ENAH: variants seen among roughly 807,000 people sequenced by gnomAD.
ENAH encodes the protein ENAH actin regulator.
In ENAH, 23 loss-of-function variants were observed where a neutral mutation model predicts 78.7. That is an observed-to-expected ratio of 0.29 (90% confidence interval 0.21 to 0.41). ENAH has a LOEUF of 0.41. Ranked by LOEUF, ENAH falls within the 10% of genes least tolerant of loss-of-function variation. The pLI is 1.00. For missense variants in ENAH, 544 were observed against 691.0 expected (o/e 0.79, Z 2.39); for synonymous variants, 226 against 241.0 (o/e 0.94, Z 0.58).
At chr1:225,569,576 A>T (rs893215346) in intron 1 of ENAH, among the ~76,000 whole-genome samples, 8 of 152,170 alleles carry the variant, frequency 5.3e-5, no homozygotes, top group Non-Finnish European at 7.3e-5. Flanking sequence ...CCTCAAAAAA[A>T]TTTTTTTCTT....
intron 1 of ENAH, among the ~76,000 whole-genome samples, chr1:225,608,803 G>A (rs541256565): frequency 3.7e-5 from 4 of 108,030 alleles, no homozygotes; most frequent in East Asian, 2.7e-4. Flanking sequence ...GCGACAGAGC[G>A]AGACTCTGTC....
Position 225,519,569 on chromosome 1 carries a change from G to GGA in ENAH, c.435-5_435-4insTC. On this transcript the variant is annotated splice_region_variant and splice_polypyrimidine_tract_variant and intron_variant, in intron 4 of 13. Transcript: ENST00000366843. The stretch of plus-strand genomic sequence containing the variant: ...CCGTTGCTGTTCTTGTAGTTGTCTG[G>GGA]AAAAAAAAAAAAAAAAGTAAAAACA... 2 of 1,492,430 alleles carry GGA rather than the reference G, an allele frequency of 1.3e-6. No individual in the cohort carries two copies. The highest frequency in any genetic ancestry group is 8.9e-7 in the Non-Finnish European group (1 of 1,118,724). 92.4% of individuals were successfully genotyped at this position (1,492,430 alleles called of 1,614,324 possible). A position where few individuals can be genotyped will look rare whatever the true frequency, so the allele number is the denominator to read the frequency against.
intron 3 of ENAH, among the ~76,000 whole-genome samples, chr1:225,532,401 C>T (rs896888211): frequency 1.3e-5 from 2 of 152,038 alleles, no homozygotes; most frequent in African/African-American, 4.8e-5. Flanking sequence ...AAGTTGAAAG[C>T]CTCAGGCTGC....
intron 1 of ENAH, among the ~76,000 whole-genome samples, chr1:225,588,976 C>A (rs1268874796): frequency 6.6e-6 from 1 of 152,032 alleles, no homozygotes; most frequent in Admixed American, 6.6e-5. Flanking sequence ...CCCAAAGATT[C>A]ATCAGAAAAC....
intron 4 of ENAH, among the ~76,000 whole-genome samples, chr1:225,530,251 A>C (rs2151256528): frequency 6.6e-6 from 1 of 152,362 alleles, no homozygotes; most frequent in Admixed American, 6.5e-5. Flanking sequence ...TATAATTACA[A>C]AAGTAAGACT....
intron 11 of ENAH, 154 bp from the exon 12 acceptor site, chr1:225,501,224 T>G: frequency 1.9e-6 from 1 of 536,594 alleles, no homozygotes; most frequent in Non-Finnish European, 3.3e-6. Flanking sequence ...GTAGGGCTGA[T>G]TAGAACATAA....
chr1:225,532,226 G>A (rs2151271555), intron 3 of ENAH, among the ~76,000 whole-genome samples: 1 of 152,142 alleles, frequency 6.6e-6, no homozygotes, highest in South Asian at 2.1e-4. Flanking sequence ...TCTCTTCTGG[G>A]GACACACAAG....
In ENAH at chr1:225,519,569, GAAAAAA is replaced by G. The variant is rs34432111; in HGVS notation, c.435-10_435-5del. 3 of 1,492,738 alleles carry G rather than the reference GAAAAAA, an allele frequency of 2.0e-6. No homozygotes were observed. Among genetic ancestry groups the G allele is most frequent in the South Asian group, 2.5e-5 (2 of 80,138 alleles). The allele number at this position is 1,492,738 out of a possible 1,614,324, so 92.5% of individuals were successfully genotyped here. On this transcript the variant is annotated splice_region_variant and splice_polypyrimidine_tract_variant and intron_variant, in intron 4 of 13. Coordinates refer to ENST00000366843, the MANE Select transcript of ENAH (RefSeq NM_018212.6). ...CCGTTGCTGTTCTTGTAGTTGTCTG[GAAAAAA>G]AAAAAAAAAAGTAAAAACATGCATC...
At position 225,488,062 on chromosome 1, in the gene ENAH, C is replaced by T. The variant is rs151026064; in HGVS notation, c.*9713G>A. ...CAAAAAACAAACAAACAAACAAACA[C>T]CACCAAAGCTTTCCGCCATTCATGC... is the stretch of plus-strand genomic sequence containing the variant. On this transcript the variant is annotated 3_prime_UTR_variant, in exon 14 of 14. Coordinates refer to ENST00000366843, the MANE Select transcript of ENAH (RefSeq NM_018212.6). 1,594 of 152,142 alleles carry T rather than the reference C, an allele frequency of 0.01. 13 individuals are homozygous for T. The highest frequency in any genetic ancestry group is 0.027 in the South Asian group (129 of 4,808). 9.4% of individuals were successfully genotyped at this position (152,142 alleles called of 1,614,324 possible).
chr1:225,555,631 A>C (rs570717778), intron 2 of ENAH, among the ~76,000 whole-genome samples: 1 of 152,244 alleles, frequency 6.6e-6, no homozygotes, highest in African/African-American at 2.4e-5. Flanking sequence ...TTCCTCATTA[A>C]ATATATTTTA....
rs769072862 is a variant in ENAH at position 225,493,666 on chromosome 1, T to C, written c.*4109A>G. 59 of 152,330 alleles carry C rather than the reference T, an allele frequency of 3.9e-4. No individual in the cohort carries two copies. The highest frequency in any genetic ancestry group is 6.8e-3 in the Middle Eastern group (2 of 294). The allele number at this position is 152,330 out of a possible 1,614,324, so 9.4% of individuals were successfully genotyped here. A position where few individuals can be genotyped will look rare whatever the true frequency, so the allele number is the denominator to read the frequency against. ...GAGTAAATGTCTTCAGGAAAGTGAA[T>C]TTTATGATAGCTACATAAAGGAATT... is the stretch of plus-strand genomic sequence containing the variant. On this transcript the variant is annotated 3_prime_UTR_variant, in exon 14 of 14. Coordinates refer to ENST00000366843, the MANE Select transcript of ENAH (RefSeq NM_018212.6).
chr1:225,495,477 T>G lies in ENAH; in HGVS notation c.*2298A>C, dbSNP rs1284267316. 3.4e-5 allele frequency: 5 copies of G among 145,168 alleles called. No homozygotes were observed. Among genetic ancestry groups the G allele is most frequent in the Admixed American group, 2.0e-4 (3 of 14,656 alleles). 9.0% of individuals were successfully genotyped at this position (145,168 alleles called of 1,614,324 possible). ...ACTGGTTTTTTTTTTTTTTTTTTTT[T>G]GTCAGTTTACACATACATCATGTTA... is the stretch of plus-strand genomic sequence containing the variant. On this transcript the variant is annotated 3_prime_UTR_variant, in exon 14 of 14. Transcript: ENST00000366843.
chr1:225,643,711 G>A (rs1661475530), intron 1 of ENAH, among the ~76,000 whole-genome samples: 1 of 152,124 alleles, frequency 6.6e-6, no homozygotes, highest in Non-Finnish European at 1.5e-5. Flanking sequence ...TGAAGTGGGA[G>A]GATGACTTGA....
chr1:225,549,813 C>T (rs1290851544), intron 3 of ENAH, among the ~76,000 whole-genome samples: 3 of 152,074 alleles, frequency 2.0e-5, no homozygotes, highest in African/African-American at 7.2e-5. Context: ...AAGCTGGTCA[C>T]CTCCTCTTCA....
Position 225,488,782 on chromosome 1 carries a change from A to C in ENAH, c.*8993T>G, listed in dbSNP as rs1018400638. The C allele has an allele frequency of 2.0e-5, 3 of 152,230 alleles. No individual in the cohort carries two copies. The highest frequency in any genetic ancestry group is 7.2e-5 in the African/African-American group (3 of 41,460). 9.4% of individuals were successfully genotyped at this position (152,230 alleles called of 1,614,324 possible). On this transcript the variant is annotated 3_prime_UTR_variant, in exon 14 of 14. Transcript: ENST00000366843. Reference sequence around the variant, plus strand: ...AACAGGACCCATCTTTTATCATCCCAAACTGCTATTTCCATCTCTGACTTT... The same window carrying C: ...AACAGGACCCATCTTTTATCATCCCCAACTGCTATTTCCATCTCTGACTTT...
rs1309634934 is a variant in ENAH, at chr1:225,512,961, G to T, written c.1274C>A (p.Ser425Ter). 1 of 1,613,870 alleles carries T rather than the reference G, an allele frequency of 6.2e-7. No homozygotes were observed. Among genetic ancestry groups the T allele is most frequent in the Admixed American group, 1.7e-5 (1 of 60,022 alleles). The change falls in exon 8 of 14, where the codon TCA becomes TAA. Residue 425 changes from serine to a stop codon, truncating the protein, a stop_gained. Transcript: ENST00000366843. LOFTEE classifies it high-confidence loss of function. ...GGNAIGVNSA[S>*]SKTDTGRGNG... ...TCCACGGCCTGTATCTGTTTTAGAT[G>T]AGGCGGAGTTCACACCAATAGCATT...
chr1:225,488,106 C>T lies in ENAH; in HGVS notation c.*9669G>A, dbSNP rs961133894. The stretch of plus-strand genomic sequence containing the variant: ...TTCATGCACATGCTTATTCTGACCC[C>T]AACCCCATCCCTACAAAGGGGCAGC... On this transcript the variant is annotated 3_prime_UTR_variant, in exon 14 of 14. Coordinates refer to ENST00000366843, the MANE Select transcript of ENAH (RefSeq NM_018212.6). 6.6e-6 allele frequency: 1 copy of T among 152,180 alleles called. No homozygotes were observed. Among genetic ancestry groups the T allele is most frequent in the Non-Finnish European group, 1.5e-5 (1 of 68,040 alleles). The allele number at this position is 152,180 out of a possible 1,614,324, so 9.4% of individuals were successfully genotyped here. A position where few individuals can be genotyped will look rare whatever the true frequency, so the allele number is the denominator to read the frequency against.
chr1:225,596,983 C>G (rs2096904726), intron 1 of ENAH, among the ~76,000 whole-genome samples: 1 of 152,154 alleles, frequency 6.6e-6, no homozygotes, highest in Non-Finnish European at 1.5e-5. Flanking sequence ...CTGTTTCTGT[C>G]ATTCTGATGA....
chr1:225,629,832 AAAG>A (rs1185592915), intron 1 of ENAH, among the ~76,000 whole-genome samples: 1 of 152,172 alleles, frequency 6.6e-6, no homozygotes, highest in Non-Finnish European at 1.5e-5. Flanking sequence ...TATTCGTGAA[AAAG>A]AAGATCATAA....
Sources: allele counts gnomAD v4.1 joint callset (sites outside exome capture counted in the v4.1 genomes callset), GRCh38; gene constraint gnomAD v4.1.1; transcripts MANE v1.5; gene names NCBI Gene and HGNC (gene_info 2026-07-23, HGNC 2026-07-21).